The following FLT3 variants were observed in gnomAD, a reference collection of about 807,000 sequenced individuals.
FLT3 encodes the protein fms related receptor tyrosine kinase 3.
In FLT3, 46 loss-of-function variants were observed where a neutral mutation model predicts 126.6. The observed-to-expected ratio is 0.36, with a 90% CI of 0.29 to 0.46. The LOEUF is 0.46. FLT3 is among the 20% of genes least tolerant of loss of function. FLT3 has a pLI of 1.00. For synonymous variants in FLT3, 404 were observed against 434.4 expected, an observed-to-expected ratio of 0.93 and a Z score of 0.87; for missense variants, 1,069 against 1,190.3, an observed-to-expected ratio of 0.90 and a Z score of 1.50.
chr13:28,029,458 C>T (rs1016496238), intron 15 of FLT3, among the ~76,000 whole-genome samples: 1 of 152,142 alleles, frequency 6.6e-6, no homozygotes, highest in African/African-American at 2.4e-5. Flanking sequence ...GGTAATGCAC[C>T]TTTCAACAGG....
At chr13:28,020,356 A>C (rs1192373252) in intron 19 of FLT3, among the ~76,000 whole-genome samples, 2 of 151,868 alleles carry the variant, frequency 1.3e-5, no homozygotes, top group Admixed American at 6.6e-5. Context: ...AAAATTTTTT[A>C]TTTTTATTTT....
At chr13:28,006,728 C>CTTTTTTT (rs753656559) in intron 23 of FLT3, among the ~76,000 whole-genome samples, 19 of 132,886 alleles carry the variant, frequency 1.4e-4, no homozygotes, top group Admixed American at 2.3e-4. Context: ...CCTTTCTTTC[C>CTTTTTTT]TTTTTTTTTT....
intron 1 of FLT3, among the ~76,000 whole-genome samples, chr13:28,088,292 CTTT>C (rs869111412): frequency 6.9e-6 from 1 of 144,798 alleles, no homozygotes; most frequent in African/African-American, 2.5e-5. Flanking sequence ...AGAAAACATT[CTTT>C]TTTTTTTTTT....
chr13:28,092,010 C>T (rs1879143350), intron 1 of FLT3, among the ~76,000 whole-genome samples: 1 of 152,146 alleles, frequency 6.6e-6, no homozygotes, highest in African/African-American at 2.4e-5. Flanking sequence ...GCAGAGGTTG[C>T]AGTGAGCCAA....
rs144974073 is a variant in FLT3, at chr13:28,035,586, G to A, written c.1506C>T (p.Asn502=). ...FGQWVSSSTL[N]MSEAIKGFLV... is the part of the protein sequence containing the mutation. ...GGAACCCTTTTATGGCTTCACTCAT[G>A]TTTAGAGTACTGCTCGACACCCACT... The change falls in exon 12 of 24, where the codon AAC becomes AAT. Residue 502 remains asparagine, a synonymous_variant. Transcript: ENST00000241453. 15 of 1,614,118 alleles carry A rather than the reference G, an allele frequency of 9.3e-6. No individual in the cohort carries two copies. The East Asian group carries it at 2.0e-4, about 22-fold the overall frequency.
At position 28,061,841 on chromosome 13, in the gene FLT3, T is replaced by C. The variant is rs1337699934; in HGVS notation, c.368+26A>G. The C allele has an allele frequency of 3.2e-6, 5 of 1,568,166 alleles. No individual in the cohort carries two copies. The East Asian group carries it at 1.1e-4, about 35-fold the overall frequency. ...AAAATTCCAAATGAACCACATTTTA[T>C]GTCAAGAAGGTATTCCTCCACTTAC... On this transcript the variant is annotated intron_variant, in intron 3 of 23. Coordinates refer to ENST00000241453, the MANE Select transcript of FLT3 (RefSeq NM_004119.3).
chr13:28,088,626 C>T (rs1878837880), intron 1 of FLT3, among the ~76,000 whole-genome samples: 1 of 138,142 alleles, frequency 7.2e-6, no homozygotes, highest in Admixed American at 8.2e-5. Flanking sequence ...CACACTGTCA[C>T]CTGGGCTGGA....
intron 1 of FLT3, among the ~76,000 whole-genome samples, chr13:28,071,189 T>C (rs1443262262): frequency 5.3e-5 from 8 of 151,466 alleles, no homozygotes; most frequent in Admixed American, 1.3e-4. Flanking sequence ...TTTGTATTTT[T>C]AGTAGAGACG....
At chr13:28,013,473 G>A (rs781066491) in intron 23 of FLT3, among the ~76,000 whole-genome samples, 1 of 152,182 alleles carries the variant, frequency 6.6e-6, no homozygotes, top group South Asian at 2.1e-4. Flanking sequence ...TCAAGTAAAC[G>A]ATGGAGCCAA....
chr13:28,069,260 G>A (rs1877294139), intron 2 of FLT3, among the ~76,000 whole-genome samples: 1 of 152,198 alleles, frequency 6.6e-6, no homozygotes, highest in Admixed American at 6.5e-5. Flanking sequence ...GTGGCAGTGA[G>A]ACTAGAGAAT....
chr13:28,042,184 ATAAT>A (rs1566077685), intron 9 of FLT3, among the ~76,000 whole-genome samples: 1 of 145,458 alleles, frequency 6.9e-6, no homozygotes, highest in Admixed American at 7.0e-5. Flanking sequence ...AATAATAATA[ATAAT>A]AAATAAAAAT....
chr13:28,095,434 C>G (rs1444658608), intron 1 of FLT3, among the ~76,000 whole-genome samples: 1 of 152,120 alleles, frequency 6.6e-6, no homozygotes, highest in Non-Finnish European at 1.5e-5. Flanking sequence ...CGCCACCACA[C>G]CCAGCTAATT....
At position 28,014,449 on chromosome 13, in the gene FLT3, T is replaced by C; in HGVS notation, c.2859+3A>G. 1 of 1,603,940 alleles carries C rather than the reference T, an allele frequency of 6.2e-7. No homozygotes were observed. The highest frequency in any genetic ancestry group is 8.5e-7 in the Non-Finnish European group (1 of 1,170,770). On this transcript the variant is annotated splice_donor_region_variant and intron_variant, in intron 23 of 23. Transcript: ENST00000241453. ...GCTTTATAAAGTCCTGGCTGCTACATACCGCTTCTTCTGCATCTGCCAGCT... is the reference window on the plus strand; with the variant it reads ...GCTTTATAAAGTCCTGGCTGCTACACACCGCTTCTTCTGCATCTGCCAGCT...
chr13:28,082,558 C>T (rs1360533631), intron 1 of FLT3, among the ~76,000 whole-genome samples: 5 of 151,820 alleles, frequency 3.3e-5, no homozygotes, highest in Admixed American at 6.6e-5. Flanking sequence ...TCCAGTGGTG[C>T]GATCTCAGCT....
At chr13:28,084,028 C>CT (rs968158292) in intron 1 of FLT3, among the ~76,000 whole-genome samples, 19 of 151,124 alleles carry the variant, frequency 1.3e-4, no homozygotes, top group African/African-American at 3.9e-4. Context: ...TACTTTTTTT[C>CT]TTTTTTTTAA....
At chr13:28,076,554 G>A (rs571384851) in intron 1 of FLT3, among the ~76,000 whole-genome samples, 1 of 152,318 alleles carries the variant, frequency 6.6e-6, no homozygotes, top group South Asian at 2.1e-4. Flanking sequence ...GCTGGTGCAA[G>A]TGTCAGAGTC....
At chr13:28,020,349 A>T (rs758829614) in intron 19 of FLT3, among the ~76,000 whole-genome samples, 9 of 152,002 alleles carry the variant, frequency 5.9e-5, no homozygotes, top group Non-Finnish European at 1.2e-4. Flanking sequence ...ACTTTTTAAA[A>T]TTTTTTATTT....
intron 1 of FLT3, among the ~76,000 whole-genome samples, chr13:28,086,831 C>G (rs9579155): frequency 0.17 from 25,522 of 151,896 alleles, 2,360 homozygotes; most frequent in Middle Eastern, 0.27. Flanking sequence ...ATTTTTAGTA[C>G]AGATGGGGTT....
Position 28,062,011 on chromosome 13 carries a change from A to G in FLT3, c.224T>C (p.Val75Ala). The G allele has an allele frequency of 2.5e-6, 4 of 1,613,214 alleles. No individual in the cohort carries two copies. The highest frequency in any genetic ancestry group is 3.4e-6 in the Non-Finnish European group (4 of 1,179,996). Residue 75 changes from valine to alanine, a missense_variant, in exon 3 of 24, where the codon GTG becomes GCG. By Grantham distance (64) the Val-to-Ala change is moderately conservative (BLOSUM62 0). Transcript: ENST00000241453. ...CALRPQSSGT[V>A]YEAAAVEVDV... ...CACTTCCACAGCGGCAGCTTCGTAC[A>G]CTGTCCCTGAGCTCTGGGGTCTCAA... is the stretch of plus-strand genomic sequence containing the variant.
Sources: gnomAD v4.1 joint callset for allele counts (sites outside exome capture counted in the v4.1 genomes callset) on GRCh38, gnomAD v4.1.1 for gene constraint, MANE v1.5 for transcripts, NCBI Gene and HGNC (gene_info 2026-07-23, HGNC 2026-07-21) for gene names.